Variants in MARCHF11 observed in about 807,000 individuals in gnomAD.
MARCHF11 encodes the protein membrane associated ring-CH-type finger 11.
MARCHF11 carries 29 observed loss-of-function variants against 37.3 expected under a neutral mutation model. The ratio of observed to expected loss-of-function variants is 0.78; its 90% CI spans 0.58 to 1.06. The LOEUF (loss-of-function observed/expected upper bound fraction) is 1.06. Ranked by LOEUF, MARCHF11 falls within the 50% of genes least tolerant of loss-of-function variation. The probability of loss-of-function intolerance (pLI) is 0.00; values close to 1 mark genes in which losing one functional copy is unlikely to be tolerated. For missense variants in MARCHF11, 482 were observed against 533.4 expected (o/e 0.90, Z 0.95); for synonymous variants, 233 against 228.0 (o/e 1.02, Z -0.20).
At chr5:16,164,996 A>G (rs1738145180) in intron 2 of MARCHF11, among the ~76,000 whole-genome samples, 1 of 151,976 alleles carries the variant, frequency 6.6e-6, no homozygotes, top group Admixed American at 6.6e-5. Flanking sequence ...ATGAAACTCC[A>G]ATTCCTCATG....
intron 3 of MARCHF11, among the ~76,000 whole-genome samples, chr5:16,075,682 G>C (rs958120194): frequency 2.6e-5 from 4 of 152,156 alleles, no homozygotes; most frequent in African/African-American, 4.8e-5. Context: ...TATGAAAATA[G>C]AAAAGGATCT....
chr5:16,139,830 C>T (rs1737671765), intron 2 of MARCHF11, among the ~76,000 whole-genome samples: 1 of 152,050 alleles, frequency 6.6e-6, no homozygotes, highest in South Asian at 2.1e-4. Context: ...ATTACCAAGC[C>T]ATTCTAATTG....
intron 2 of MARCHF11, among the ~76,000 whole-genome samples, chr5:16,097,225 T>C (rs1736883484): frequency 6.6e-6 from 1 of 152,212 alleles, no homozygotes; most frequent in African/African-American, 2.4e-5. Context: ...AACATCTCAA[T>C]GTGTAATCAA....
At chr5:16,166,741 T>C (rs1044269914) in intron 2 of MARCHF11, among the ~76,000 whole-genome samples, 2 of 151,976 alleles carry the variant, frequency 1.3e-5, no homozygotes, top group African/African-American at 4.8e-5. Context: ...GTTACAAATG[T>C]ATAGTTTATA....
chr5:16,128,401 T>C (rs1737455861), intron 2 of MARCHF11, among the ~76,000 whole-genome samples: 1 of 152,050 alleles, frequency 6.6e-6, no homozygotes, highest in Admixed American at 6.5e-5. Flanking sequence ...GGCACAAAAA[T>C]GTGGCTGGGT....
chr5:16,135,284 C>T (rs1391327304), intron 2 of MARCHF11, among the ~76,000 whole-genome samples: 1 of 152,040 alleles, frequency 6.6e-6, no homozygotes, highest in Non-Finnish European at 1.5e-5. Flanking sequence ...TTACACAAGA[C>T]AATGTAGAGA....
intron 3 of MARCHF11, among the ~76,000 whole-genome samples, chr5:16,071,974 T>A (rs1736446624): frequency 6.6e-6 from 1 of 152,170 alleles, no homozygotes; most frequent in Admixed American, 6.5e-5. Flanking sequence ...TTGTTTGTTT[T>A]TTTGAGACAG....
At chr5:16,155,942 C>T (rs1443519862) in intron 2 of MARCHF11, among the ~76,000 whole-genome samples, 2 of 151,992 alleles carry the variant, frequency 1.3e-5, no homozygotes, top group South Asian at 2.1e-4. Context: ...CGAGCATACT[C>T]GTAACTTCCT....
chr5:16,160,345 T>TATATATTAAATATTTAATATATAAATA (rs1738052561), intron 2 of MARCHF11, among the ~76,000 whole-genome samples: 1 of 145,436 alleles, frequency 6.9e-6, no homozygotes, highest in Non-Finnish European at 1.5e-5. Flanking sequence ...ATATATTAAT[T>TATATATTAAATATTTAATATATAAATA]ATATATTAAA....
At chr5:16,160,684 A>C (rs1219274916) in intron 2 of MARCHF11, among the ~76,000 whole-genome samples, 2 of 151,962 alleles carry the variant, frequency 1.3e-5, no homozygotes, top group Non-Finnish European at 2.9e-5. Flanking sequence ...GAATAAAGAA[A>C]ATGGAAAATG....
rs1738445143 is a variant in MARCHF11 at position 16,179,740 on chromosome 5, A to C, written c.-165T>G. On this transcript the variant is annotated 5_prime_UTR_variant, in exon 1 of 4. Coordinates refer to ENST00000332432, the MANE Select transcript of MARCHF11 (RefSeq NM_001102562.3). ...GGGGAGGGGATGCGGAAGGTTCTGC[A>C]GCTGCGGCGGCGGCAGGCGCGGCCG... 2 of 340,694 alleles carry C rather than the reference A, an allele frequency of 5.9e-6. No homozygotes were observed. The highest frequency in any genetic ancestry group is 9.2e-6 in the Non-Finnish European group (2 of 217,600). The allele number at this position is 340,694 out of a possible 1,614,324, so 21.1% of individuals were successfully genotyped here.
intron 2 of MARCHF11, among the ~76,000 whole-genome samples, chr5:16,126,672 T>C (rs1316568472): frequency 1.3e-5 from 2 of 152,210 alleles, no homozygotes; most frequent in Non-Finnish European, 2.9e-5. Context: ...CTCCAGTCTT[T>C]GGTCCTGTGT....
intron 2 of MARCHF11, among the ~76,000 whole-genome samples, chr5:16,111,780 T>C (rs142583443): frequency 1.9e-3 from 284 of 152,316 alleles, no homozygotes; most frequent in African/African-American, 6.3e-3. Flanking sequence ...CCTCCCATCA[T>C]AGGCCTAGAA....
chr5:16,078,937 C>T (rs2126547999), intron 3 of MARCHF11, among the ~76,000 whole-genome samples: 1 of 152,246 alleles, frequency 6.6e-6, no homozygotes, highest in South Asian at 2.1e-4. Flanking sequence ...AGCCTCTCTT[C>T]TGGAAAGCCA....
At chr5:16,160,412 A>C (rs1209707943) in intron 2 of MARCHF11, among the ~76,000 whole-genome samples, 1 of 146,244 alleles carries the variant, frequency 6.8e-6, no homozygotes, top group Non-Finnish European at 1.5e-5. Context: ...ATAATTTTAT[A>C]ATTTTATATT....
Position 16,116,576 on chromosome 5 carries a change from AC to A in MARCHF11, c.694-25496del, listed in dbSNP as rs1462441669. 2.0e-5 allele frequency among the ~76,000 whole-genome samples: 3 copies of A among 152,264 alleles called. No homozygotes were observed. The East Asian group carries it at 5.8e-4, about 29-fold the overall frequency. On this transcript the variant is annotated intron_variant, in intron 2 of 3. Transcript: ENST00000332432. ...CTGTGCTATTGGTTTCACTCTGTCTACTTTGACAGAGTAAAAAGATGCCATA... is the reference window on the plus strand; with the variant it reads ...CTGTGCTATTGGTTTCACTCTGTCTATTTGACAGAGTAAAAAGATGCCATA...
Position 16,067,757 on chromosome 5 carries a change from A to G in MARCHF11, c.923T>C (p.Val308Ala). Residue 308 changes from valine (V) to alanine (A), a missense_variant, in exon 4 of 4, where the codon GTG (valine) becomes GCG (alanine). Physicochemically the swap from Val to Ala is moderately conservative, Grantham distance 64. Coordinates refer to ENST00000332432, the MANE Select transcript of MARCHF11 (RefSeq NM_001102562.3). ...ATTCACAGCTCGCCAGCGCTTAAAC[A>G]CTCTGTAAACTGCAGCTCCTTCATG... is the stretch of plus-strand genomic sequence containing the variant. The part of the protein sequence containing the change: ...IVHEGAAVYR[V>A]FKRWRAVNLH... The G allele has an allele frequency of 6.2e-7, 1 of 1,613,498 alleles. No homozygotes were observed. The highest frequency in any genetic ancestry group is 8.5e-7 in the Non-Finnish European group (1 of 1,179,636).
In MARCHF11 at chr5:16,085,939, CAAAAAAAAAAAAAAAAAAAAAAAA is replaced by C. The variant is rs56782867; in HGVS notation, c.886+4926_886+4949del. 5.4e-3 allele frequency among the ~76,000 whole-genome samples: 222 copies of C among 40,982 alleles called. 1 individual carries two copies. The highest frequency in any genetic ancestry group is 0.016 in the African/African-American group (191 of 12,088). The allele number at this position is 40,982 out of a possible 152,430, so 26.9% of individuals were successfully genotyped here. On this transcript the variant is annotated intron_variant, in intron 3 of 3. Transcript: ENST00000332432. ...TGGGCGAAAGAGCAAGACTCCATCT[CAAAAAAAAAAAAAAAAAAAAAAAA>C]AAAAAAAAAAAAAATCTTATTACTC...
intron 2 of MARCHF11, among the ~76,000 whole-genome samples, chr5:16,133,967 A>G (rs1737564752): frequency 6.6e-6 from 1 of 152,184 alleles, no homozygotes; most frequent in Admixed American, 6.5e-5. Context: ...TGCACAGAAA[A>G]TTGGCCAAAG....
Sources: allele counts gnomAD v4.1 joint callset (sites outside exome capture counted in the v4.1 genomes callset), GRCh38; gene constraint gnomAD v4.1.1; transcripts MANE v1.5; gene names NCBI Gene and HGNC (gene_info 2026-07-23, HGNC 2026-07-21).